The following AKAP13 variants were observed in gnomAD, a reference collection of about 807,000 sequenced individuals.
The protein encoded by AKAP13 is A-kinase anchor protein 13.
In AKAP13, 80 loss-of-function variants were observed where a neutral mutation model predicts 264.5. That is an observed-to-expected ratio of 0.30 (90% CI 0.25 to 0.36). The LOEUF is 0.36. Ranked by LOEUF, AKAP13 falls within the 10% of genes least tolerant of loss-of-function variation. AKAP13 has a pLI of 1.00. For missense variants in AKAP13, 3,712 were observed against 3,435.2 expected (o/e 1.08, Z -2.01); for synonymous variants, 1,380 against 1,250.2 (o/e 1.10, Z -2.19).
At chr15:85,610,966 C>T (rs1490751051) in intron 8 of AKAP13, among the ~76,000 whole-genome samples, 1 of 152,102 alleles carries the variant, frequency 6.6e-6, no homozygotes, top group Non-Finnish European at 1.5e-5. Context: ...GCAACAAGAG[C>T]GAAACTCCAC....
At chr15:85,644,381 C>A (rs940898746) in intron 9 of AKAP13, among the ~76,000 whole-genome samples, 3 of 151,902 alleles carry the variant, frequency 2.0e-5, no homozygotes, top group African/African-American at 7.2e-5. Context: ...GCTGGGATTA[C>A]AGGCACCTGC....
chr15:85,519,071 A>AT (rs953370087), intron 2 of AKAP13, among the ~76,000 whole-genome samples: 1 of 152,144 alleles, frequency 6.6e-6, no homozygotes, highest in African/African-American at 2.4e-5. Context: ...TATTCTTAGA[A>AT]TACCAGGTTA....
intron 29 of AKAP13, among the ~76,000 whole-genome samples, chr15:85,729,272 G>T (rs2087817532): frequency 6.6e-6 from 1 of 152,028 alleles, no homozygotes; most frequent in Non-Finnish European, 1.5e-5. Flanking sequence ...TAGCACCACT[G>T]CACTTCACTT....
intron 8 of AKAP13, among the ~76,000 whole-genome samples, chr15:85,618,516 G>A (rs1365755283): frequency 1.3e-5 from 2 of 150,710 alleles, no homozygotes; most frequent in East Asian, 1.9e-4. Context: ...GCTTCCCTCA[G>A]TTCCTCATCC....
chr15:85,524,841 GTCCC>G (rs1197147901), intron 3 of AKAP13, among the ~76,000 whole-genome samples: 1 of 150,154 alleles, frequency 6.7e-6, no homozygotes, highest in Admixed American at 6.7e-5. Context: ...CTGTCTGTCT[GTCCC>G]TCCCTCCTGC....
At position 85,581,803 on chromosome 15, in the gene AKAP13, A is replaced by C; in HGVS notation, c.3735A>C (p.Ala1245=). The C allele has an allele frequency of 6.2e-7, 1 of 1,614,200 alleles. No individual in the cohort carries two copies. The highest frequency in any genetic ancestry group is 8.5e-7 in the Non-Finnish European group (1 of 1,180,004). The change falls in exon 7 of 37, where the codon GCA becomes GCC. Residue 1245 remains alanine, a synonymous_variant. Transcript: ENST00000394518. ...SAQDAPLPKG[A]DLIEEAASRI... ...AGGACGCACCTCTGCCTAAGGGGGC[A>C]GACTTGATAGAGGAGGCTGCCAGCC... is the stretch of plus-strand genomic sequence containing the variant.
At position 85,684,119 on chromosome 15, in the gene AKAP13, T is replaced by G. The variant is rs191075061; in HGVS notation, c.5157-622T>G. Among the ~76,000 whole-genome samples the G allele has an allele frequency of 2.0e-5, 3 of 152,350 alleles. No homozygotes were observed. In the East Asian group the frequency reaches 5.8e-4, roughly 29 times the overall value. On this transcript the variant is annotated intron_variant, in intron 15 of 36. Coordinates refer to ENST00000394518, the MANE Select transcript of AKAP13 (RefSeq NM_007200.5). ...ATTAACAAGTACCCTGTCATTCTGC[T>G]ACATATATGGGTTTCCTTTCAAGCA...
intron 17 of AKAP13, among the ~76,000 whole-genome samples, chr15:85,695,524 C>G (rs1279234580): frequency 6.6e-6 from 1 of 152,218 alleles, no homozygotes; most frequent in Non-Finnish European, 1.5e-5. Context: ...CACAGCCTGT[C>G]TAATCTGTGC....
intron 1 of AKAP13, among the ~76,000 whole-genome samples, chr15:85,441,075 G>C (rs899981609): frequency 3.9e-5 from 6 of 152,180 alleles, no homozygotes; most frequent in Non-Finnish European, 8.8e-5. Flanking sequence ...TTTCACATAT[G>C]TAGATACCTA....
chr15:85,558,046 CA>C (rs2078215458), intron 5 of AKAP13, among the ~76,000 whole-genome samples: 1 of 152,106 alleles, frequency 6.6e-6, no homozygotes, highest in Admixed American at 6.5e-5. Context: ...TTTTTCTCCC[CA>C]GAATCTGTGC....
chr15:85,583,124 A>G (rs892291524), intron 7 of AKAP13: 59 of 985,332 alleles, frequency 6.0e-5, no homozygotes, highest in Non-Finnish European at 7.0e-5. Flanking sequence ...CCAGCTGTAG[A>G]CAGAAGACCT....
At chr15:85,451,531 G>C (rs1408776965) in intron 1 of AKAP13, among the ~76,000 whole-genome samples, 1 of 152,150 alleles carries the variant, frequency 6.6e-6, no homozygotes, top group Admixed American at 6.6e-5. Context: ...TGTATATTTA[G>C]TGCTCCTTTC....
intron 13 of AKAP13, among the ~76,000 whole-genome samples, chr15:85,669,243 A>T (rs1055588449): frequency 2.0e-4 from 30 of 152,162 alleles, no homozygotes; most frequent in East Asian, 1.5e-3. Context: ...GTCTAAAAAA[A>T]AATAATAATA....
At chr15:85,564,742 T>G (rs2078542038) in intron 5 of AKAP13, among the ~76,000 whole-genome samples, 1 of 152,096 alleles carries the variant, frequency 6.6e-6, no homozygotes, top group South Asian at 2.1e-4. Flanking sequence ...ATCTTAAACG[T>G]TGTGAGTAAA....
chr15:85,698,962 A>G (rs1460955413), intron 17 of AKAP13, among the ~76,000 whole-genome samples: 3 of 151,526 alleles, frequency 2.0e-5, no homozygotes, highest in Non-Finnish European at 4.4e-5. Flanking sequence ...AAAAAAAAAA[A>G]AAAAAAAATT....
chr15:85,424,370 T>C (rs1596123814), intron 1 of AKAP13, among the ~76,000 whole-genome samples: 1 of 152,230 alleles, frequency 6.6e-6, no homozygotes, highest in East Asian at 1.9e-4. Flanking sequence ...CACTTTTATG[T>C]TATGGAGATA....
chr15:85,748,142 G>C lies in AKAP13; in HGVS notation c.*3465G>C, dbSNP rs902294790. 5 of 152,314 alleles carry C rather than the reference G, an allele frequency of 3.3e-5. No individual in the cohort carries two copies. The East Asian group carries it at 9.6e-4, about 29-fold the overall frequency. 9.4% of individuals were successfully genotyped at this position (152,314 alleles called of 1,614,324 possible). On this transcript the variant is annotated 3_prime_UTR_variant, in exon 37 of 37. Coordinates refer to ENST00000394518, the MANE Select transcript of AKAP13 (RefSeq NM_007200.5). ...TTTTTCTGTAGCCAGGTCTTCCCAA[G>C]GATTTTAGTATTTGCATTGGAGTTG...
intron 1 of AKAP13, among the ~76,000 whole-genome samples, chr15:85,483,362 T>C (rs1357111227): frequency 6.6e-6 from 1 of 152,164 alleles, no homozygotes; most frequent in Non-Finnish European, 1.5e-5. Flanking sequence ...CATGGTGGCT[T>C]ACGCCTGTAA....
At chr15:85,502,481 C>G (rs1046558654) in intron 2 of AKAP13, among the ~76,000 whole-genome samples, 2 of 152,216 alleles carry the variant, frequency 1.3e-5, no homozygotes, top group Non-Finnish European at 2.9e-5. Flanking sequence ...TATTCCTGCA[C>G]ACCTTTATCA....
Sources: allele counts gnomAD v4.1 joint callset (sites outside exome capture counted in the v4.1 genomes callset), GRCh38; gene constraint gnomAD v4.1.1; transcripts MANE v1.5; gene names NCBI Gene and HGNC (gene_info 2026-07-23, HGNC 2026-07-21).